Variants in MYO5B observed in about 807,000 individuals in gnomAD.
MYO5B encodes myosin VB.
In MYO5B, 143 loss-of-function variants were observed where a neutral mutation model predicts 229.3. That is an observed-to-expected ratio of 0.62 (90% CI 0.54 to 0.72). The LOEUF is 0.72. MYO5B is among the 30% of genes least tolerant of loss of function. The probability of loss-of-function intolerance (pLI) is 0.00; values close to 1 mark genes in which losing one functional copy is unlikely to be tolerated. For synonymous variants in MYO5B, 918 were observed against 885.2 expected, an observed-to-expected ratio of 1.04 and a Z score of -0.66; for missense variants, 2,321 against 2,331.0, an observed-to-expected ratio of 1.00 and a Z score of 0.09.
intron 39 of MYO5B, 32 bp downstream of exon 39, chr18:49,835,312 G>A: frequency 1.3e-6 from 2 of 1,494,922 alleles, no homozygotes; most frequent in African/African-American, 2.8e-5. Flanking sequence ...GTCGTAGACT[G>A]GACTTTATAA....
chr18:49,929,151 T>C (rs547077232), intron 17 of MYO5B, among the ~76,000 whole-genome samples: 3 of 152,246 alleles, frequency 2.0e-5, no homozygotes, highest in Admixed American at 2.0e-4. Flanking sequence ...GGTAAATACA[T>C]ATATTTTCCT....
At chr18:49,951,564 CAG>C (rs2025431542) in intron 14 of MYO5B, among the ~76,000 whole-genome samples, 2 of 152,136 alleles carry the variant, frequency 1.3e-5, no homozygotes, top group Non-Finnish European at 2.9e-5. Flanking sequence ...GTGAATATAA[CAG>C]AGTTTTCCGG....
At chr18:49,989,226 T>C (rs1409932586) in intron 7 of MYO5B, among the ~76,000 whole-genome samples, 1 of 152,206 alleles carries the variant, frequency 6.6e-6, no homozygotes, top group African/African-American at 2.4e-5. Flanking sequence ...CAGGGATTCA[T>C]AAGCAAGTGT....
At chr18:50,024,120 T>C (rs566218849) in intron 4 of MYO5B, among the ~76,000 whole-genome samples, 100 of 152,276 alleles carry the variant, frequency 6.6e-4, no homozygotes, top group African/African-American at 2.4e-3. Flanking sequence ...GATGGATTAA[T>C]ATGTGCAATG....
chr18:49,953,983 ACTAT>A (rs2025460596), intron 13 of MYO5B, among the ~76,000 whole-genome samples: 1 of 134,414 alleles, frequency 7.4e-6, no homozygotes, highest in South Asian at 2.4e-4. Context: ...GTGTGTATAG[ACTAT>A]ATATATACAC....
chr18:49,826,570 G>A lies in MYO5B; in HGVS notation c.5448C>T (p.His1816=). ...TAAATGGAAACAAAACAGGAAACAT[G>A]TGCTTGGCATCTAATAGCAGTTGCT... ...DPQQLLLDAK[H]MFPVLFPFNP... is the part of the protein sequence containing the mutation. Residue 1816 remains histidine (H), a synonymous_variant, in exon 40 of 40, where the codon CAC becomes CAT. Transcript: ENST00000285039. 2.5e-6 allele frequency: 4 copies of A among 1,614,024 alleles called. No homozygotes were observed. Among genetic ancestry groups the A allele is most frequent in the Non-Finnish European group, 3.4e-6 (4 of 1,179,928 alleles).
chr18:50,004,866 A>T (rs1568067242), intron 4 of MYO5B, among the ~76,000 whole-genome samples: 1 of 152,230 alleles, frequency 6.6e-6, no homozygotes, highest in African/African-American at 2.4e-5. Flanking sequence ...CTGTGTACAT[A>T]TCCACTTTCC....
chr18:49,868,243 T>G (rs888661103), intron 27 of MYO5B, among the ~76,000 whole-genome samples: 1 of 152,186 alleles, frequency 6.6e-6, no homozygotes, highest in African/African-American at 2.4e-5. Flanking sequence ...TTTTAAAATT[T>G]TTCTAAGATG....
At chr18:50,168,228 G>C (rs904195709) in intron 1 of MYO5B, among the ~76,000 whole-genome samples, 3 of 152,106 alleles carry the variant, frequency 2.0e-5, no homozygotes, top group South Asian at 4.1e-4. Flanking sequence ...CCTCCCTCCC[G>C]TCACTGCCAA....
intron 11 of MYO5B, 92 bp from the exon 12 acceptor site, chr18:49,962,498 G>T (rs993848906): frequency 1.3e-6 from 2 of 1,548,256 alleles, no homozygotes; most frequent in African/African-American, 2.7e-5. Context: ...GGTTCTGGAG[G>T]ACAGCAGAGA....
intron 1 of MYO5B, among the ~76,000 whole-genome samples, chr18:50,141,106 G>A (rs1468526696): frequency 6.6e-6 from 1 of 152,158 alleles, no homozygotes; most frequent in Non-Finnish European, 1.5e-5. Flanking sequence ...GTTGATTCTT[G>A]AGGTAGGAGG....
chr18:50,139,066 G>A (rs1248632000), intron 1 of MYO5B, among the ~76,000 whole-genome samples: 2 of 152,218 alleles, frequency 1.3e-5, no homozygotes, highest in Non-Finnish European at 1.5e-5. Context: ...ATGCAACAAT[G>A]TTCATCTAAT....
At chr18:50,078,596 A>T (rs2031143093) in intron 1 of MYO5B, among the ~76,000 whole-genome samples, 1 of 152,222 alleles carries the variant, frequency 6.6e-6, no homozygotes, top group Admixed American at 6.5e-5. Context: ...AAAAGAAAAC[A>T]AGCATTGGCA....
At chr18:50,099,382 A>G (rs868588235) in intron 1 of MYO5B, among the ~76,000 whole-genome samples, 6 of 152,206 alleles carry the variant, frequency 3.9e-5, no homozygotes, top group South Asian at 2.1e-4. Context: ...TGGATAAGTG[A>G]CACAGGAAGA....
intron 1 of MYO5B, among the ~76,000 whole-genome samples, chr18:50,071,388 A>G (rs978777283): frequency 2.0e-5 from 3 of 152,350 alleles, no homozygotes; most frequent in African/African-American, 4.8e-5. Context: ...AATGTTCATC[A>G]TGATGCCCCA....
intron 12 of MYO5B, among the ~76,000 whole-genome samples, chr18:49,956,476 GAC>G (rs200583118): frequency 1.0e-3 from 155 of 152,276 alleles, no homozygotes; most frequent in East Asian, 6.8e-3. Context: ...CCTGCCTGAC[GAC>G]AGAGTTTTAA....
intron 1 of MYO5B, among the ~76,000 whole-genome samples, chr18:50,080,471 G>A (rs949590789): frequency 6.6e-6 from 1 of 152,110 alleles, no homozygotes; most frequent in Non-Finnish European, 1.5e-5. Context: ...TATTCCAAGG[G>A]CAGACATTTT....
At chr18:50,154,233 T>A (rs1251231883) in intron 1 of MYO5B, among the ~76,000 whole-genome samples, 1 of 150,606 alleles carries the variant, frequency 6.6e-6, no homozygotes, top group Non-Finnish European at 1.5e-5. Context: ...TCACTCATTA[T>A]CTTAGAGATT....
chr18:49,952,667 A>G (rs538035229), intron 14 of MYO5B, among the ~76,000 whole-genome samples: 1 of 152,294 alleles, frequency 6.6e-6, no homozygotes, highest in South Asian at 2.1e-4. Flanking sequence ...TGTAGAATGG[A>G]CACAATATTT....
Sources: gnomAD v4.1 joint callset for allele counts (sites outside exome capture counted in the v4.1 genomes callset) on GRCh38, gnomAD v4.1.1 for gene constraint, MANE v1.5 for transcripts, NCBI Gene and HGNC (gene_info 2026-07-23, HGNC 2026-07-21) for gene names.